PDXDC1: variants seen among roughly 807,000 people sequenced by gnomAD.
PDXDC1 encodes the protein pyridoxal-dependent decarboxylase domain-containing protein 1.
PDXDC1 carries 42 observed loss-of-function variants against 100.1 expected under a neutral mutation model. The ratio of observed to expected loss-of-function variants is 0.42; its 90% CI spans 0.33 to 0.54. PDXDC1 has a LOEUF of 0.54. Ranked by LOEUF, PDXDC1 falls within the 20% of genes least tolerant of loss-of-function variation. The probability of loss-of-function intolerance (pLI) is 0.10; values close to 1 mark genes in which losing one functional copy is unlikely to be tolerated. For missense variants in PDXDC1, 636 were observed against 979.2 expected, an observed-to-expected ratio of 0.65 and a Z score of 4.68; for synonymous variants, 260 against 371.7, an observed-to-expected ratio of 0.70 and a Z score of 3.46.
intron 16 of PDXDC1, among the ~76,000 whole-genome samples, chr16:15,080,957 A>G (rs1295878543): frequency 6.6e-6 from 1 of 152,212 alleles, no homozygotes; most frequent in African/African-American, 2.4e-5. Flanking sequence ...TTTAGGGTTC[A>G]ATCATGTTGT....
intron 16 of PDXDC1, chr16:15,125,676 C>T (rs1365944403): frequency 3.7e-6 from 5 of 1,351,524 alleles, no homozygotes; most frequent in South Asian, 1.2e-5. Context: ...CCAGGACCCC[C>T]AGTAGAGCCC....
chr16:15,076,705 T>C, intron 16 of PDXDC1: 2 of 1,278,340 alleles, frequency 1.6e-6, no homozygotes, highest in Non-Finnish European at 2.3e-6. Context: ...TACAACTATG[T>C]TATTTTGGGA....
chr16:15,099,080 A>C (rs1371813626), intron 16 of PDXDC1, among the ~76,000 whole-genome samples: 2 of 152,122 alleles, frequency 1.3e-5, no homozygotes, highest in African/African-American at 4.8e-5. Flanking sequence ...GCTAAGACTA[A>C]GGCTGCCAAG....
chr16:15,047,622 T>C, intron 16 of PDXDC1: 1 of 1,149,782 alleles, frequency 8.7e-7, no homozygotes, highest in Non-Finnish European at 1.3e-6. Flanking sequence ...AGACTCCGCC[T>C]GTCCCTCCGG....
At chr16:14,984,429 AAAAGTG>A (rs1968778283) in intron 1 of PDXDC1, among the ~76,000 whole-genome samples, 1 of 129,028 alleles carries the variant, frequency 7.8e-6, no homozygotes, top group Non-Finnish European at 1.6e-5. Context: ...CAAATCACAT[AAAAGTG>A]AGAGAGAGAG....
intron 16 of PDXDC1, among the ~76,000 whole-genome samples, chr16:15,030,829 CG>C (rs931670192): frequency 1.3e-5 from 2 of 151,994 alleles, no homozygotes; most frequent in African/African-American, 4.8e-5. Flanking sequence ...TTGTGACTCT[CG>C]ATTTTCCACT....
chr16:15,021,707 A>G (rs2042222148), intron 12 of PDXDC1, among the ~76,000 whole-genome samples: 1 of 152,284 alleles, frequency 6.6e-6, no homozygotes, highest in Non-Finnish European at 1.5e-5. Context: ...TAATAAATGC[A>G]TGTGTTAAAT....
At chr16:14,995,849 T>G in intron 1 of PDXDC1, among the ~76,000 whole-genome samples, 1 of 152,292 alleles carries the variant, frequency 6.6e-6, no homozygotes, top group Admixed American at 6.5e-5. Flanking sequence ...GAGATTCAAC[T>G]TCTTCCTGGT....
intron 16 of PDXDC1, among the ~76,000 whole-genome samples, chr16:15,090,205 T>C (rs1236598065): frequency 1.3e-5 from 2 of 149,192 alleles, no homozygotes; most frequent in Non-Finnish European, 3.0e-5. Context: ...AAGGAGACTT[T>C]GTCTTAAAAA....
intron 16 of PDXDC1, chr16:15,085,744 C>A: frequency 6.2e-7 from 1 of 1,609,246 alleles, no homozygotes; most frequent in Non-Finnish European, 8.5e-7. Context: ...TTGATCTAGA[C>A]AATGAATGGC....
At chr16:15,006,699 C>CTTA in intron 6 of PDXDC1, 116 bp downstream of exon 6, 1 of 1,017,210 alleles carries the variant, frequency 9.8e-7, no homozygotes, top group South Asian at 2.8e-5. Context: ...GAAAGATGGT[C>CTTA]TTATATGCTT....
chr16:14,975,009 G>C (rs1567591721), upstream of PDXDC1: 6 of 1,535,010 alleles, frequency 3.9e-6, no homozygotes, highest in Non-Finnish European at 5.2e-6. Flanking sequence ...CAGCGCTACG[G>C]GGCCCCGCCC....
chr16:14,984,955 A>G (rs1968988566), intron 1 of PDXDC1, among the ~76,000 whole-genome samples: 1 of 152,152 alleles, frequency 6.6e-6, no homozygotes. Flanking sequence ...GCTCACTGCA[A>G]CCTCTACCTC....
chr16:15,104,077 C>T (rs1483767700), intron 16 of PDXDC1, among the ~76,000 whole-genome samples: 1 of 38,348 alleles, frequency 2.6e-5, no homozygotes, highest in Non-Finnish European at 5.1e-5. Context: ...GAGGCTGGGG[C>T]AGGAGGATTG....
intron 16 of PDXDC1, chr16:15,080,199 A>C: frequency 7.1e-7 from 1 of 1,415,866 alleles, no homozygotes; most frequent in Non-Finnish European, 9.3e-7. Context: ...CAAATATTTA[A>C]AAAGAAAAAA....
downstream of PDXDC1, chr16:15,038,436 G>A: frequency 1.6e-6 from 1 of 630,896 alleles, no homozygotes. Flanking sequence ...AAGTTAAATG[G>A]GGTCTGTCAA....
At chr16:15,046,427 G>C (rs1248159519) in intron 16 of PDXDC1, among the ~76,000 whole-genome samples, 2 of 152,178 alleles carry the variant, frequency 1.3e-5, no homozygotes, top group Non-Finnish European at 2.9e-5. Context: ...GCAGGCCTGT[G>C]TCGTCGGCCT....
chr16:15,034,155 T>A (rs1269476785), intron 19 of PDXDC1, 131 bp from the exon 20 acceptor site: 1 of 723,752 alleles, frequency 1.4e-6, no homozygotes, highest in African/African-American at 1.8e-5. Context: ...TCTGTTCGTT[T>A]TACGCCGGCT....
chr16:15,087,733 G>T (rs2045964491), intron 16 of PDXDC1, among the ~76,000 whole-genome samples: 1 of 152,186 alleles, frequency 6.6e-6, no homozygotes, highest in Non-Finnish European at 1.5e-5. Context: ...CTAAGTTAGT[G>T]TACAAATAAA....
Sources: gnomAD v4.1 joint callset for allele counts (sites outside exome capture counted in the v4.1 genomes callset) on GRCh38, gnomAD v4.1.1 for gene constraint, MANE v1.5 for transcripts, NCBI Gene and HGNC (gene_info 2026-07-23, HGNC 2026-07-21) for gene names.